The following DTD1 variants were observed in gnomAD, a reference collection of about 807,000 sequenced individuals.
DTD1 encodes the protein D-aminoacyl-tRNA deacylase 1, also known as D-tyrosyl-tRNA deacylase 1 homolog.
In DTD1, 13 loss-of-function variants were observed where a neutral mutation model predicts 25.6. That is an observed-to-expected ratio of 0.51 (90% CI 0.33 to 0.81). The LOEUF (loss-of-function observed/expected upper bound fraction) is 0.81, where lower values mean the gene tolerates loss of function less well. DTD1 is among the 30% of genes least tolerant of loss of function. DTD1 has a pLI of 0.02. For missense variants in DTD1, 193 were observed against 266.4 expected (o/e 0.72, Z 1.92); for synonymous variants, 110 against 103.6 (o/e 1.06, Z -0.37).
At chr20:18,690,122 C>G (rs1482356420) in intron 4 of DTD1, among the ~76,000 whole-genome samples, 3 of 133,432 alleles carry the variant, frequency 2.2e-5, no homozygotes, top group Non-Finnish European at 4.7e-5. Context: ...GGTGACAGAG[C>G]AAGACCCTGT....
intron 5 of DTD1, among the ~76,000 whole-genome samples, chr20:18,744,478 A>C (rs1193622057): frequency 1.3e-5 from 2 of 152,086 alleles, no homozygotes; most frequent in African/African-American, 4.8e-5. Flanking sequence ...AGACTGAGTA[A>C]TTTATAAAGA....
At chr20:18,682,385 C>T (rs1244403461) in intron 4 of DTD1, among the ~76,000 whole-genome samples, 1 of 152,170 alleles carries the variant, frequency 6.6e-6, no homozygotes, top group African/African-American at 2.4e-5. Context: ...AACATGCTCT[C>T]CCAGATGGGC....
intron 1 of DTD1, chr20:18,589,002 C>G (rs2060578067): frequency 1.8e-6 from 1 of 563,872 alleles, no homozygotes; most frequent in South Asian, 7.7e-5. Flanking sequence ...GATATCCTGT[C>G]CTTGGAGCCA....
At chr20:18,601,510 A>C (rs913709226) in intron 3 of DTD1, among the ~76,000 whole-genome samples, 7 of 151,404 alleles carry the variant, frequency 4.6e-5, no homozygotes, top group Non-Finnish European at 1.0e-4. Flanking sequence ...AAAAAAAAAA[A>C]AAAAAAAAAA....
chr20:18,758,562 T>C (rs1415662050), intron 5 of DTD1, among the ~76,000 whole-genome samples: 1 of 152,242 alleles, frequency 6.6e-6, no homozygotes, highest in Non-Finnish European at 1.5e-5. Flanking sequence ...GTTGTTCAGT[T>C]TCCATGTAGT....
intron 4 of DTD1, among the ~76,000 whole-genome samples, chr20:18,727,218 G>A (rs945656694): frequency 2.6e-5 from 4 of 152,232 alleles, no homozygotes; most frequent in Non-Finnish European, 5.9e-5. Context: ...ATTCCCCCAC[G>A]GCTCCCGGGG....
intron 4 of DTD1, among the ~76,000 whole-genome samples, chr20:18,651,150 T>C (rs2060872599): frequency 6.6e-6 from 1 of 152,182 alleles, no homozygotes; most frequent in Non-Finnish European, 1.5e-5. Flanking sequence ...TTTTGTTTGT[T>C]TGTTTGGTTT....
intron 4 of DTD1, among the ~76,000 whole-genome samples, chr20:18,671,184 A>G (rs1791593439): frequency 1.3e-5 from 2 of 152,226 alleles, no homozygotes; most frequent in South Asian, 4.1e-4. Context: ...CCTCTTTCTC[A>G]TTCTCTAGTA....
intron 4 of DTD1, among the ~76,000 whole-genome samples, chr20:18,703,586 T>C (rs1274037592): frequency 4.6e-5 from 7 of 152,082 alleles, no homozygotes; most frequent in African/African-American, 9.7e-5. Context: ...TTTCCATTTG[T>C]TTTTTTAACC....
chr20:18,667,677 C>T (rs755509346), intron 4 of DTD1, among the ~76,000 whole-genome samples: 7 of 152,116 alleles, frequency 4.6e-5, no homozygotes, highest in African/African-American at 7.2e-5. Context: ...GACATGGATC[C>T]GTCTGCCTTA....
chr20:18,760,644 T>C (rs1262783195), intron 5 of DTD1, among the ~76,000 whole-genome samples: 1 of 152,190 alleles, frequency 6.6e-6, no homozygotes, highest in Non-Finnish European at 1.5e-5. Flanking sequence ...AGTCTGCCCC[T>C]ACAGTGCGGT....
chr20:18,682,350 T>C (rs1235869562), intron 4 of DTD1, among the ~76,000 whole-genome samples: 2 of 152,254 alleles, frequency 1.3e-5, no homozygotes, highest in Admixed American at 6.5e-5. Context: ...TGCTGTAAAC[T>C]GTGTTCCTTG....
At chr20:18,747,629 C>G (rs773179037) in intron 5 of DTD1, among the ~76,000 whole-genome samples, 24 of 152,192 alleles carry the variant, frequency 1.6e-4, no homozygotes, top group Non-Finnish European at 3.4e-4. Context: ...CCTTAATGCT[C>G]AGGCATGGCC....
chr20:18,680,093 G>A (rs900705455), intron 4 of DTD1, among the ~76,000 whole-genome samples: 1 of 151,926 alleles, frequency 6.6e-6, no homozygotes, highest in Non-Finnish European at 1.5e-5. Flanking sequence ...GCTGGGGAGG[G>A]GAGTGTGCTT....
intron 4 of DTD1, among the ~76,000 whole-genome samples, chr20:18,713,072 C>CCG (rs1233685879): frequency 2.6e-5 from 4 of 152,274 alleles, no homozygotes; most frequent in Non-Finnish European, 4.4e-5. Flanking sequence ...TGCTGGAGAG[C>CCG]TGTTCCCGGG....
intron 5 of DTD1, among the ~76,000 whole-genome samples, chr20:18,755,888 C>T (rs187002783): frequency 0.014 from 2,131 of 152,250 alleles, 50 homozygotes; most frequent in African/African-American, 0.047. Context: ...GTCCCACCAA[C>T]AGTGTAAAAG....
At position 18,623,874 on chromosome 20, in the gene DTD1, C is replaced by CTGTG. The variant is rs55984974; in HGVS notation, c.371-4223_371-4220dup. Among the ~76,000 whole-genome samples the CTGTG allele has an allele frequency of 9.1e-3, 1,307 of 143,714 alleles. 16 individuals carry two copies. The highest frequency in any genetic ancestry group is 0.047 in the East Asian group (237 of 5,014). The allele number at this position is 143,714 out of a possible 152,430, so 94.3% of individuals were successfully genotyped here. ...TTCTCAACAGTACTTACAAGAAGAA[C>CTGTG]TGTGTGTGTGTGTGTGTGTGTGTGT... is the stretch of plus-strand genomic sequence containing the variant. On this transcript the variant is annotated intron_variant, in intron 3 of 5. Transcript: ENST00000377452.
chr20:18,590,328 C>A (rs1403308829), intron 1 of DTD1, among the ~76,000 whole-genome samples: 2 of 152,208 alleles, frequency 1.3e-5, no homozygotes, highest in South Asian at 4.1e-4. Flanking sequence ...AGGCGTGTGC[C>A]GCCACCGCTA....
intron 4 of DTD1, among the ~76,000 whole-genome samples, chr20:18,666,382 AGAGT>A (rs1246897586): frequency 6.6e-6 from 1 of 152,198 alleles, no homozygotes; most frequent in Non-Finnish European, 1.5e-5. Context: ...CTGTTCTTTG[AGAGT>A]GAGTCACTAA....
Sources: allele counts gnomAD v4.1 joint callset (sites outside exome capture counted in the v4.1 genomes callset), GRCh38; gene constraint gnomAD v4.1.1; transcripts MANE v1.5; gene names NCBI Gene and HGNC (gene_info 2026-07-23, HGNC 2026-07-21).